LYST: variants seen among roughly 807,000 people sequenced by gnomAD.
The protein encoded by LYST is lysosomal-trafficking regulator.
Under a neutral mutation model 413.6 loss-of-function variants are expected in LYST, and 192 were observed. The observed-to-expected ratio is 0.46, with a 90% CI of 0.41 to 0.52. The LOEUF (loss-of-function observed/expected upper bound fraction) is 0.52. Among genes scored for constraint, LYST ranks in the 20% least tolerant of loss-of-function variants. LYST has a pLI of 0.00. For missense variants in LYST, 3,815 were observed against 4,499.9 expected (o/e 0.85, Z 4.35); for synonymous variants, 1,525 against 1,567.3 (o/e 0.97, Z 0.64).
chr1:235,691,169 C>T (rs915889878), intron 47 of LYST, among the ~76,000 whole-genome samples: 4 of 151,986 alleles, frequency 2.6e-5, no homozygotes, highest in African/African-American at 4.8e-5. Context: ...CCGCCCGCCT[C>T]GGCCTCCCAA....
Position 235,806,469 on chromosome 1 carries a change from AAC to A in LYST, c.2665_2666del (p.Val889Ter), listed in dbSNP as rs751627465. The A allele has an allele frequency of 6.2e-7, 1 of 1,614,008 alleles. No homozygotes were observed. Among genetic ancestry groups the A allele is most frequent in the Non-Finnish European group, 8.5e-7 (1 of 1,179,998 alleles). ...TTGTGTTGATATGAACATCTTGGTT[AAC>A]AGTCTTCCGTCTCTTTGGATAAGCT... is the stretch of plus-strand genomic sequence containing the variant. ...KEAYPKRRKT[V>X]NQDVHINTIN... On this transcript the variant is annotated frameshift_variant, in exon 6 of 53. Coordinates refer to ENST00000389793, the MANE Select transcript of LYST (RefSeq NM_000081.4). LOFTEE classifies it high-confidence loss of function.
At chr1:235,804,096 T>G (rs983134126) in intron 7 of LYST, among the ~76,000 whole-genome samples, 1 of 152,156 alleles carries the variant, frequency 6.6e-6, no homozygotes, top group African/African-American at 2.4e-5. Flanking sequence ...AAAATTAATG[T>G]GAGTAGAGAG....
chr1:235,837,394 G>A (rs1676686821), intron 1 of LYST, among the ~76,000 whole-genome samples: 1 of 152,142 alleles, frequency 6.6e-6, no homozygotes, highest in Non-Finnish European at 1.5e-5. Flanking sequence ...TTGGGAAGGT[G>A]AGGTAGGCTA....
chr1:235,802,937 T>C lies in LYST; in HGVS notation c.3683A>G (p.Asn1228Ser), dbSNP rs145553827. Residue 1228 changes from asparagine to serine, a missense_variant, in exon 8 of 53, where the codon AAT (asparagine) becomes AGT (serine). Physicochemically the swap from Asn to Ser is conservative, Grantham distance 46. This residue lies in a region of LYST where 1,648 missense variants were observed against 1,810.3 expected (regional missense o/e 0.91). Transcript: ENST00000389793. ...ATCCTGGGTTTCGCCATCTTCAGGA[T>C]TGCTTTCACTATCTGCTTCGTAACC... Reference protein sequence around the residue: ...EEGYEADSESNPEDGETQDDG... With the variant: ...EEGYEADSESSPEDGETQDDG... 2.9e-4 allele frequency: 473 copies of C among 1,613,652 alleles called. 3 individuals carry two copies. In the African/African-American group the frequency reaches 5.3e-3, roughly 18 times the overall value.
intron 13 of LYST, 124 bp downstream of exon 13, chr1:235,788,577 A>G: frequency 2.3e-6 from 2 of 860,372 alleles, no homozygotes; most frequent in Non-Finnish European, 3.8e-6. Flanking sequence ...GAATGTATAT[A>G]TTTTTAAATG....
Position 235,792,110 on chromosome 1 carries a change from C to T in LYST, c.4132G>A (p.Gly1378Ser), listed in dbSNP as rs761740124. 1.7e-5 allele frequency: 28 copies of T among 1,606,946 alleles called. No homozygotes were observed. The highest frequency in any genetic ancestry group is 2.1e-5 in the Non-Finnish European group (25 of 1,174,244). Residue 1378 changes from glycine (G) to serine (S), a missense_variant, in exon 12 of 53, where the codon GGT (glycine) becomes AGT (serine). Gly to Ser is a moderately conservative substitution (Grantham distance 56). This residue lies in a region of LYST where 1,648 missense variants were observed against 1,810.3 expected (regional missense o/e 0.91). Coordinates refer to ENST00000389793, the MANE Select transcript of LYST (RefSeq NM_000081.4). ...KSPCTKILLL[G>S]ILKIIESDTT... ...TCACTTTCAATAATTTTCAGAATACCCAGAAGAAGAATTTTCTAGAGAAAA... is the reference window on the plus strand; with the variant it reads ...TCACTTTCAATAATTTTCAGAATACTCAGAAGAAGAATTTTCTAGAGAAAA...
intron 1 of LYST, among the ~76,000 whole-genome samples, chr1:235,858,797 T>C (rs749462394): frequency 1.3e-4 from 20 of 152,094 alleles, no homozygotes; most frequent in Admixed American, 8.5e-4. Flanking sequence ...TGCATTGTTA[T>C]GGGGGTGGGG....
In LYST at chr1:235,686,585, T is replaced by TA. The variant is rs1479176805; in HGVS notation, c.10800+363dup. Among the ~76,000 whole-genome samples, 2 of 152,208 alleles carry TA rather than the reference T, an allele frequency of 1.3e-5. No homozygotes were observed. Among genetic ancestry groups the TA allele is most frequent in the Non-Finnish European group, 2.9e-5 (2 of 68,040 alleles). ...GCTGTCACTTAGTTTACCCAGAGGTTATCGGAATGTTGGACATTAGGGTTT... is the reference window on the plus strand; with the variant it reads ...GCTGTCACTTAGTTTACCCAGAGGTTAATCGGAATGTTGGACATTAGGGTTT... On this transcript the variant is annotated intron_variant, in intron 48 of 52. Coordinates refer to ENST00000389793, the MANE Select transcript of LYST (RefSeq NM_000081.4). The surrounding 1 kb of genome is among the most constrained non-coding windows in gnomAD (Gnocchi z 4.0).
rs980179109 is a variant in LYST at position 235,808,376 on chromosome 1, C to A, written c.2363+79G>T. On this transcript the variant is annotated intron_variant, in intron 5 of 52. Coordinates refer to ENST00000389793, the MANE Select transcript of LYST (RefSeq NM_000081.4). ...GTTTAAATGCATACAATTTATCACT[C>A]ACTTGAAAGCATCCAATGAAAAAGA... 1.7e-5 allele frequency: 23 copies of A among 1,327,648 alleles called. No homozygotes were observed. In the Admixed American group the frequency reaches 3.1e-4, roughly 18 times the overall value. 82.2% of individuals were successfully genotyped at this position (1,327,648 alleles called of 1,614,324 possible). A position where few individuals can be genotyped will look rare whatever the true frequency, so the allele number is the denominator to read the frequency against.
intron 47 of LYST, among the ~76,000 whole-genome samples, 177 bp from the exon 48 acceptor site, chr1:235,687,224 A>G (rs181524865): frequency 9.9e-4 from 151 of 152,336 alleles, no homozygotes; most frequent in African/African-American, 3.5e-3. Flanking sequence ...ATATAGTAAT[A>G]TTCCGTAACT....
chr1:235,854,452 T>C lies in LYST; in HGVS notation c.-98+12391A>G, dbSNP rs893696945. ...CCTTCTTCATTCCTCTTTCAGTAAATGGCCTCTACCCAGTGACTGAGGTGA... is the reference window on the plus strand; with the variant it reads ...CCTTCTTCATTCCTCTTTCAGTAAACGGCCTCTACCCAGTGACTGAGGTGA... On this transcript the variant is annotated intron_variant, in intron 1 of 52. Coordinates refer to ENST00000389793, the MANE Select transcript of LYST (RefSeq NM_000081.4). The surrounding 1 kb of genome is among the most constrained non-coding windows in gnomAD (Gnocchi z 4.1). Among the ~76,000 whole-genome samples, 5 of 152,158 alleles carry C rather than the reference T, an allele frequency of 3.3e-5. No individual in the cohort carries two copies. The highest frequency in any genetic ancestry group is 1.2e-4 in the African/African-American group (5 of 41,418).
chr1:235,751,349 T>G lies in LYST; in HGVS notation c.7641A>C (p.Ala2547=), dbSNP rs199554293. The change falls in exon 28 of 53, where the codon GCA becomes GCC. Residue 2547 remains alanine, a synonymous_variant. Coordinates refer to ENST00000389793, the MANE Select transcript of LYST (RefSeq NM_000081.4). ...KNKRTQNMAV[A]LQLRVLQAAM... ...CAGCCTGGAGAACTCTAAGCTGTAGTGCAACAGCCATATCTAAAAACAGAA... is the reference window on the plus strand; with the variant it reads ...CAGCCTGGAGAACTCTAAGCTGTAGGGCAACAGCCATATCTAAAAACAGAA... 33 of 1,613,286 alleles carry G rather than the reference T, an allele frequency of 2.0e-5. No individual in the cohort carries two copies. The highest frequency in any genetic ancestry group is 4.2e-6 in the Non-Finnish European group (5 of 1,179,550).
At chr1:235,741,680 C>A in intron 30 of LYST, 52 bp from the exon 31 acceptor site, 3 of 1,294,232 alleles carry the variant, frequency 2.3e-6, no homozygotes, top group Non-Finnish European at 2.2e-6. Context: ...TTAAGCAATA[C>A]CATGCTAGCC....
intron 1 of LYST, among the ~76,000 whole-genome samples, chr1:235,857,274 A>C (rs746894979): frequency 2.3e-4 from 35 of 152,144 alleles, no homozygotes; most frequent in Admixed American, 3.9e-4. Context: ...GTGGATGTTG[A>C]AAATAAGTGA....
Position 235,806,151 on chromosome 1 carries a change from A to G in LYST, c.2985T>C (p.Phe995=). ...TTCTGAACAGTTTCTGTATTATCATAAATATTAACTTATGGCATACTCGGA... is the reference window on the plus strand; with the variant it reads ...TTCTGAACAGTTTCTGTATTATCATGAATATTAACTTATGGCATACTCGGA... ...GGFRVCHKLI[F]MIIQKLFRSH... Residue 995 remains phenylalanine, a synonymous_variant, in exon 6 of 53, where the codon TTT becomes TTC. Transcript: ENST00000389793. The G allele has an allele frequency of 6.2e-7, 1 of 1,613,878 alleles. No homozygotes were observed. Among genetic ancestry groups the G allele is most frequent in the Non-Finnish European group, 8.5e-7 (1 of 1,179,958 alleles).
Position 235,830,418 on chromosome 1 carries a change from G to A in LYST, c.-1C>T. 6.2e-7 allele frequency: 1 copy of A among 1,608,032 alleles called. No individual in the cohort carries two copies. The highest frequency in any genetic ancestry group is 8.5e-7 in the Non-Finnish European group (1 of 1,176,134). ...CCAGTGAGTTACTGTCGGTGCTCATGACCGAGCTATAAAATAAGTATTACA... is the reference window on the plus strand; with the variant it reads ...CCAGTGAGTTACTGTCGGTGCTCATAACCGAGCTATAAAATAAGTATTACA... On this transcript the variant is annotated 5_prime_UTR_variant, in exon 3 of 53. Transcript: ENST00000389793.
At chr1:235,849,067 G>C (rs565821726) in intron 1 of LYST, among the ~76,000 whole-genome samples, 25 of 152,008 alleles carry the variant, frequency 1.6e-4, no homozygotes, top group African/African-American at 6.0e-4. Context: ...TAACCAAAAA[G>C]AGAAAACTAC....
chr1:235,792,385 G>A (rs1671098572), intron 11 of LYST, among the ~76,000 whole-genome samples: 1 of 151,796 alleles, frequency 6.6e-6, no homozygotes, highest in Non-Finnish European at 1.5e-5. Flanking sequence ...CACAATCTCG[G>A]CTCACTGCAA....
At chr1:235,793,691 A>G (rs1671262970) in intron 10 of LYST, 79 bp from the exon 11 acceptor site, 3 of 770,822 alleles carry the variant, frequency 3.9e-6, no homozygotes, top group African/African-American at 3.4e-5. Context: ...CAAAAGAGGT[A>G]AAATACTATT....
Sources: allele counts gnomAD v4.1 joint callset (sites outside exome capture counted in the v4.1 genomes callset), GRCh38; gene constraint gnomAD v4.1.1; regional missense constraint gnomAD v4.1.1; non-coding constraint Gnocchi (gnomAD v3.1); transcripts MANE v1.5; gene names NCBI Gene and HGNC (gene_info 2026-07-23, HGNC 2026-07-21).